Variants in ANKS1B observed in about 807,000 individuals in gnomAD.
ANKS1B encodes the protein ankyrin repeat and sterile alpha motif domain containing 1B.
ANKS1B carries 36 observed loss-of-function variants against 148.3 expected under a neutral mutation model. That is an observed-to-expected ratio of 0.24 (90% confidence interval 0.19 to 0.32). The LOEUF (loss-of-function observed/expected upper bound fraction) is 0.32, where lower values mean the gene tolerates loss of function less well. Ranked by LOEUF, ANKS1B falls within the 10% of genes least tolerant of loss-of-function variation. The pLI is 1.00. For synonymous variants in ANKS1B, 542 were observed against 560.8 expected, an observed-to-expected ratio of 0.97 and a Z score of 0.47; for missense variants, 1,157 against 1,542.6, an observed-to-expected ratio of 0.75 and a Z score of 4.19.
intron 11 of ANKS1B, among the ~76,000 whole-genome samples, chr12:99,422,028 A>G (rs1243447383): frequency 2.0e-5 from 3 of 152,232 alleles, no homozygotes; most frequent in African/African-American, 7.2e-5. Context: ...CCAGAAGCCA[A>G]GTAGACGGTG....
chr12:99,136,646 CA>C (rs1411017467), intron 15 of ANKS1B, among the ~76,000 whole-genome samples: 1 of 151,940 alleles, frequency 6.6e-6, no homozygotes, highest in Non-Finnish European at 1.5e-5. Flanking sequence ...TTGATAAAGC[CA>C]AAATTAAGGG....
intron 17 of ANKS1B, among the ~76,000 whole-genome samples, chr12:99,020,084 G>A (rs1233061949): frequency 1.4e-5 from 2 of 146,132 alleles, no homozygotes; most frequent in African/African-American, 5.1e-5. Flanking sequence ...TTTTTTTTTG[G>A]TGTAAAATAT....
chr12:99,376,584 T>A, intron 12 of ANKS1B, among the ~76,000 whole-genome samples: 1 of 152,206 alleles, frequency 6.6e-6, no homozygotes, highest in East Asian at 1.9e-4. Context: ...AGGAAGTCTC[T>A]TGAGAGTTCA....
chr12:99,517,865 A>T (rs1472542207), intron 9 of ANKS1B, among the ~76,000 whole-genome samples: 1 of 152,110 alleles, frequency 6.6e-6, no homozygotes, highest in Non-Finnish European at 1.5e-5. Flanking sequence ...TGTCATATAT[A>T]GCTCTTATTA....
At chr12:98,969,006 G>A (rs1005799797) in intron 17 of ANKS1B, among the ~76,000 whole-genome samples, 3 of 152,240 alleles carry the variant, frequency 2.0e-5, no homozygotes, top group Admixed American at 6.5e-5. Flanking sequence ...CTAATGATGC[G>A]TTGGTTTTCT....
intron 17 of ANKS1B, among the ~76,000 whole-genome samples, chr12:98,892,505 T>A (rs2099754753): frequency 6.6e-6 from 1 of 152,228 alleles, no homozygotes; most frequent in Admixed American, 6.5e-5. Flanking sequence ...TTAAAGGAAG[T>A]GATCCCCTAA....
chr12:99,758,380 T>C (rs1488164262), intron 8 of ANKS1B, among the ~76,000 whole-genome samples: 1 of 151,744 alleles, frequency 6.6e-6, no homozygotes, highest in Admixed American at 6.6e-5. Context: ...CAGAGAAAAA[T>C]ACATATAAAT....
intron 10 of ANKS1B, among the ~76,000 whole-genome samples, chr12:99,492,220 G>A (rs113382055): frequency 3.3e-5 from 5 of 152,210 alleles, no homozygotes; most frequent in African/African-American, 1.2e-4. Context: ...CAAAGAGGAT[G>A]TTACCACTGA....
At position 98,895,140 on chromosome 12, in the gene ANKS1B, G is replaced by T; in HGVS notation, c.2779-63004C>A. ...CCGCCGGGGAGGGCTTACCGCTCGG[G>T]CGGACCCTCACTGCGAGAGCGATGC... On this transcript the variant is annotated intron_variant, in intron 17 of 26. Coordinates refer to ENST00000683438, the MANE Select transcript of ANKS1B (RefSeq NM_001352186.2). The T allele has an allele frequency of 3.0e-6, 3 of 985,182 alleles. No individual in the cohort carries two copies. The South Asian group carries it at 1.4e-4, about 46-fold the overall frequency. The allele number at this position is 985,182 out of a possible 1,614,324, so 61.0% of individuals were successfully genotyped here.
intron 17 of ANKS1B, among the ~76,000 whole-genome samples, chr12:98,988,402 A>G (rs2099924676): frequency 6.6e-6 from 1 of 152,032 alleles, no homozygotes; most frequent in Non-Finnish European, 1.5e-5. Flanking sequence ...AATGTCCTTG[A>G]GGTTTATCCA....
chr12:99,391,025 T>G (rs1448488956), intron 12 of ANKS1B, among the ~76,000 whole-genome samples: 1 of 152,248 alleles, frequency 6.6e-6, no homozygotes, highest in East Asian at 1.9e-4. Flanking sequence ...ACAGGTATAC[T>G]GGAAGGGATG....
intron 25 of ANKS1B, among the ~76,000 whole-genome samples, chr12:98,759,834 G>T (rs535247844): frequency 7.2e-5 from 11 of 152,234 alleles, no homozygotes; most frequent in South Asian, 2.1e-4. Flanking sequence ...CAAAAAATTA[G>T]CTGGGCGTGG....
At chr12:99,527,340 T>C (rs2096936918) in intron 9 of ANKS1B, among the ~76,000 whole-genome samples, 1 of 152,132 alleles carries the variant, frequency 6.6e-6, no homozygotes, top group African/African-American at 2.4e-5. Context: ...TTGATAAAAT[T>C]CCCAAAAGTG....
chr12:99,177,290 C>G (rs771004421), intron 14 of ANKS1B, among the ~76,000 whole-genome samples: 4 of 152,176 alleles, frequency 2.6e-5, no homozygotes, highest in Non-Finnish European at 2.9e-5. Flanking sequence ...TAAGGGTACC[C>G]TAATCACATA....
At chr12:99,212,626 G>A (rs942355291) in intron 14 of ANKS1B, among the ~76,000 whole-genome samples, 2 of 152,128 alleles carry the variant, frequency 1.3e-5, no homozygotes, top group Non-Finnish European at 2.9e-5. Context: ...TTTACTTATT[G>A]TGGTCTTTGC....
At chr12:99,005,791 C>CAT (rs1379883698) in intron 17 of ANKS1B, among the ~76,000 whole-genome samples, 2 of 152,200 alleles carry the variant, frequency 1.3e-5, no homozygotes, top group African/African-American at 4.8e-5. Context: ...CACACACACA[C>CAT]GCACATGCAC....
chr12:99,748,343 A>G (rs2060795294), intron 8 of ANKS1B, among the ~76,000 whole-genome samples: 1 of 152,074 alleles, frequency 6.6e-6, no homozygotes, highest in East Asian at 1.9e-4. Context: ...GTTACTTTGA[A>G]TATTATTGAT....
At chr12:99,773,262 A>T (rs1235720771) in intron 7 of ANKS1B, among the ~76,000 whole-genome samples, 174 bp from the exon 8 acceptor site, 3 of 152,204 alleles carry the variant, frequency 2.0e-5, no homozygotes, top group Admixed American at 1.3e-4. Context: ...AACAATATTA[A>T]TGGGCAAAAG....
At chr12:99,573,400 A>C (rs2097482776) in intron 9 of ANKS1B, among the ~76,000 whole-genome samples, 1 of 152,078 alleles carries the variant, frequency 6.6e-6, no homozygotes, top group African/African-American at 2.4e-5. Context: ...TATTATCTTA[A>C]TTGGATTTAG....
Sources: allele counts gnomAD v4.1 joint callset (sites outside exome capture counted in the v4.1 genomes callset), GRCh38; gene constraint gnomAD v4.1.1; transcripts MANE v1.5; gene names NCBI Gene and HGNC (gene_info 2026-07-23, HGNC 2026-07-21).